SPRR4: variants seen among roughly 807,000 people sequenced by gnomAD.
The protein encoded by SPRR4 is small proline rich protein 4, also known as small proline-rich protein 4.
For synonymous variants in SPRR4, 30 were observed against 34.3 expected (o/e 0.87, Z 0.44); for missense variants, 106 against 91.6 (o/e 1.16, Z -0.64).
In SPRR4 at chr1:152,971,226, T is replaced by A. The variant is rs796072659; in HGVS notation, c.-21+532T>A. Among the ~76,000 whole-genome samples the A allele has an allele frequency of 3.3e-5, 5 of 152,200 alleles. No individual in the cohort carries two copies. In the South Asian group the frequency reaches 1.0e-3, roughly 32 times the overall value. ...TGCCTACAAAGATAGCCAGAGACCC[T>A]CATCAGAGCTGGGAAGGCTTCAGGG... On this transcript the variant is annotated intron_variant, in intron 1 of 1. Coordinates refer to ENST00000328051, the MANE Select transcript of SPRR4 (RefSeq NM_173080.3).
Position 152,972,226 on chromosome 1 carries a change from C to T in SPRR4, c.*96C>T. 19 of 1,532,742 alleles carry T rather than the reference C, an allele frequency of 1.2e-5. No individual in the cohort carries two copies. The highest frequency in any genetic ancestry group is 1.6e-5 in the Non-Finnish European group (18 of 1,133,812). The allele number at this position is 1,532,742 out of a possible 1,614,324, so 94.9% of individuals were successfully genotyped here. On this transcript the variant is annotated 3_prime_UTR_variant, in exon 2 of 2. Transcript: ENST00000328051. ...CTTCCCTCCAGCTCTTGAGCCTACC[C>T]TCCTCTCACATCTCCTCCTGCCCAA...
rs1403014946 is a variant in SPRR4 at position 152,972,078 on chromosome 1, C to T, written c.188C>T (p.Ala63Val). ...QCPPKGTIIP[A>V]QQKCPSAQQA... is the part of the protein sequence containing the mutation. Reference sequence around the variant, plus strand: ...CCACCGAAAGGCACCATCATTCCAGCCCAGCAGAAGTGTCCCTCAGCCCAG... The same window carrying T: ...CCACCGAAAGGCACCATCATTCCAGTCCAGCAGAAGTGTCCCTCAGCCCAG... The change falls in exon 2 of 2, where the codon GCC becomes GTC. Residue 63 changes from alanine to valine, a missense_variant. Ala to Val is a moderately conservative substitution (Grantham distance 64, BLOSUM62 0). Coordinates refer to ENST00000328051, the MANE Select transcript of SPRR4 (RefSeq NM_173080.3). 6.2e-7 allele frequency: 1 copy of T among 1,614,080 alleles called. No homozygotes were observed. Among genetic ancestry groups the T allele is most frequent in the Non-Finnish European group, 8.5e-7 (1 of 1,180,024 alleles).
rs368231192 is a variant in SPRR4 at position 152,971,858 on chromosome 1, C to T, written c.-20-13C>T. ...ACACCCTTCTCATGGTGTCCCTGCC[C>T]GGTTTCCTTTAGGCTCACCTGTTCC... is the stretch of plus-strand genomic sequence containing the variant. On this transcript the variant is annotated splice_polypyrimidine_tract_variant and intron_variant, in intron 1 of 1. Coordinates refer to ENST00000328051, the MANE Select transcript of SPRR4 (RefSeq NM_173080.3). 288 of 1,611,726 alleles carry T rather than the reference C, an allele frequency of 1.8e-4. No individual in the cohort carries two copies. The highest frequency in any genetic ancestry group is 8.3e-4 in the Middle Eastern group (5 of 6,044).
chr1:152,970,311 C>G (rs1651794632), upstream of SPRR4, among the ~76,000 whole-genome samples: 1 of 152,178 alleles, frequency 6.6e-6, no homozygotes, highest in Non-Finnish European at 1.5e-5. Flanking sequence ...GCCCCAAACC[C>G]CATCCTCTCC....
chr1:152,970,911 TG>T (rs1651825552), intron 1 of SPRR4, among the ~76,000 whole-genome samples: 1 of 152,244 alleles, frequency 6.6e-6, no homozygotes, highest in Non-Finnish European at 1.5e-5. Context: ...TTTCTGATCA[TG>T]GGTTTGACTC....
In SPRR4 at chr1:152,972,196, C is replaced by T. The variant is rs1651870745; in HGVS notation, c.*66C>T. ...CAGATGGAACCTTCTCTTCTTCCTT[C>T]TCCTCTTCCCTCCAGCTCTTGAGCC... On this transcript the variant is annotated 3_prime_UTR_variant, in exon 2 of 2. Coordinates refer to ENST00000328051, the MANE Select transcript of SPRR4 (RefSeq NM_173080.3). 1.3e-6 allele frequency: 2 copies of T among 1,591,962 alleles called. No individual in the cohort carries two copies. The highest frequency in any genetic ancestry group is 2.7e-5 in the African/African-American group (2 of 74,358).
At chr1:152,969,631 G>T (rs191342037), upstream of SPRR4, among the ~76,000 whole-genome samples, 1 of 152,126 alleles carries the variant, frequency 6.6e-6, no homozygotes, top group Non-Finnish European at 1.5e-5. Flanking sequence ...GCTCCTTCCT[G>T]CCACCTAGAT....
At chr1:152,969,722 A>G (rs920729387), upstream of SPRR4, among the ~76,000 whole-genome samples, 1 of 152,222 alleles carries the variant, frequency 6.6e-6, no homozygotes, top group Non-Finnish European at 1.5e-5. Flanking sequence ...ATGAACTACA[A>G]GTAATTTTTG....
rs1484069373 is a variant in SPRR4, at chr1:152,971,879, G to A, written c.-12G>A. On this transcript the variant is annotated 5_prime_UTR_variant, in exon 2 of 2. Transcript: ENST00000328051. ...TGCCCGGTTTCCTTTAGGCTCACCT[G>A]TTCCTAGAGCAATGTCTTCCCAGCA... 1 of 1,613,850 alleles carries A rather than the reference G, an allele frequency of 6.2e-7. No individual in the cohort carries two copies. The highest frequency in any genetic ancestry group is 8.5e-7 in the Non-Finnish European group (1 of 1,180,000).
intron 1 of SPRR4, 149 bp from the exon 2 acceptor site, chr1:152,971,722 A>G: frequency 1.9e-6 from 2 of 1,079,788 alleles, no homozygotes; most frequent in Non-Finnish European, 2.7e-6. Context: ...AAAGGGAGCC[A>G]GTTGACATTG....
upstream of SPRR4, among the ~76,000 whole-genome samples, chr1:152,969,812 T>C (rs1276411177): frequency 6.6e-6 from 1 of 152,224 alleles, no homozygotes; most frequent in Non-Finnish European, 1.5e-5. Flanking sequence ...TAACTGAATG[T>C]CCTGTATTTT....
upstream of SPRR4, among the ~76,000 whole-genome samples, chr1:152,969,593 G>A (rs1298289599): frequency 6.6e-6 from 1 of 151,972 alleles, no homozygotes; most frequent in Admixed American, 6.6e-5. Flanking sequence ...TCCATCCCAG[G>A]GCCTAGGAGG....
chr1:152,971,353 C>T (rs1404290858), intron 1 of SPRR4, among the ~76,000 whole-genome samples: 1 of 152,034 alleles, frequency 6.6e-6, no homozygotes, highest in Non-Finnish European at 1.5e-5. Flanking sequence ...AATGTCTGAG[C>T]CTTCTTGGCT....
chr1:152,971,576 T>TCA (rs1315419133), intron 1 of SPRR4, among the ~76,000 whole-genome samples: 80 of 112,124 alleles, frequency 7.1e-4, no homozygotes, highest in African/African-American at 2.5e-3. Flanking sequence ...CAGCCCGATC[T>TCA]CTCACACACA....
At chr1:152,968,867 G>A (rs527662290), upstream of SPRR4, among the ~76,000 whole-genome samples, 1 of 152,324 alleles carries the variant, frequency 6.6e-6, no homozygotes, top group African/African-American at 2.4e-5. Flanking sequence ...CAAGGCACCA[G>A]GTATATGAAA....
At chr1:152,969,472 G>C (rs1170980331), upstream of SPRR4, among the ~76,000 whole-genome samples, 1 of 152,178 alleles carries the variant, frequency 6.6e-6, no homozygotes, top group Non-Finnish European at 1.5e-5. Flanking sequence ...CCCTTCCTCT[G>C]GTGATGGCAG....
upstream of SPRR4, among the ~76,000 whole-genome samples, chr1:152,968,881 C>T (rs923141975): frequency 6.6e-6 from 1 of 152,226 alleles, no homozygotes; most frequent in Non-Finnish European, 1.5e-5. Flanking sequence ...TATGAAAAGC[C>T]TTGGTCTATG....
chr1:152,969,036 A>G (rs935633721), upstream of SPRR4, among the ~76,000 whole-genome samples: 2 of 152,210 alleles, frequency 1.3e-5, no homozygotes, highest in Non-Finnish European at 2.9e-5. Context: ...CAGAATCTGG[A>G]ACCCAGAATA....
Position 152,971,894 on chromosome 1 carries a change from T to A in SPRR4, c.4T>A (p.Ser2Thr), listed in dbSNP as rs764165428. The stretch of plus-strand genomic sequence containing the variant: ...AGGCTCACCTGTTCCTAGAGCAATG[T>A]CTTCCCAGCAGCAGCAGCGGCAGCA... The part of the protein sequence containing the change: M[S>T]SQQQQRQQQQ... Residue 2 changes from serine (S) to threonine (T), a missense_variant, in exon 2 of 2, where the codon TCT becomes ACT. Transcript: ENST00000328051. 4 of 1,613,846 alleles carry A rather than the reference T, an allele frequency of 2.5e-6. No homozygotes were observed. The highest frequency in any genetic ancestry group is 4.5e-5 in the East Asian group (2 of 44,862).
Sources: allele counts gnomAD v4.1 joint callset (sites outside exome capture counted in the v4.1 genomes callset), GRCh38; gene constraint gnomAD v4.1.1; transcripts MANE v1.5; gene names NCBI Gene and HGNC (gene_info 2026-07-23, HGNC 2026-07-21).